PTPRD: variants seen among roughly 807,000 people sequenced by gnomAD.
The protein encoded by PTPRD is receptor-type tyrosine-protein phosphatase delta.
In PTPRD, 34 loss-of-function variants were observed where a neutral mutation model predicts 214.5. That is an observed-to-expected ratio of 0.16 (90% confidence interval 0.12 to 0.21). The LOEUF (loss-of-function observed/expected upper bound fraction) is 0.21. Among genes scored for constraint, PTPRD ranks in the 10% least tolerant of loss-of-function variants. PTPRD has a pLI of 1.00. For missense variants in PTPRD, 2,545 were observed against 2,398.7 expected, an observed-to-expected ratio of 1.06 and a Z score of -1.27; for synonymous variants, 1,128 against 845.7, an observed-to-expected ratio of 1.33 and a Z score of -5.79.
intron 2 of PTPRD, among the ~76,000 whole-genome samples, chr9:10,469,249 C>A (rs1180861668): frequency 6.6e-6 from 1 of 152,136 alleles, no homozygotes; most frequent in African/African-American, 2.4e-5. Context: ...ATATTCAGCA[C>A]TTTTTCATTC....
At chr9:10,530,798 T>C (rs2056020189) in intron 2 of PTPRD, among the ~76,000 whole-genome samples, 1 of 151,990 alleles carries the variant, frequency 6.6e-6, no homozygotes, top group South Asian at 2.1e-4. Context: ...AAAACAGATA[T>C]CAAATAAATA....
chr9:9,133,353 A>G (rs1288114226), intron 10 of PTPRD, among the ~76,000 whole-genome samples: 1 of 152,214 alleles, frequency 6.6e-6, no homozygotes, highest in African/African-American at 2.4e-5. Context: ...CCCCGGGGAC[A>G]TTTATTTTGC....
At chr9:8,719,235 C>T (rs75319207) in intron 12 of PTPRD, among the ~76,000 whole-genome samples, 2,605 of 152,230 alleles carry the variant, frequency 0.017, 73 homozygotes, top group African/African-American at 0.059. Context: ...TGAAATGGCA[C>T]TAACAGCTGA....
At chr9:8,524,062 A>G (rs928555693) in intron 18 of PTPRD, among the ~76,000 whole-genome samples, 1 of 151,978 alleles carries the variant, frequency 6.6e-6, no homozygotes, top group African/African-American at 2.4e-5. Flanking sequence ...GACCAGGAAT[A>G]AGAACACTTC....
At chr9:8,346,472 A>G (rs1164631722) in intron 39 of PTPRD, among the ~76,000 whole-genome samples, 1 of 152,114 alleles carries the variant, frequency 6.6e-6, no homozygotes, top group Admixed American at 6.6e-5. Flanking sequence ...ATTAAATGGA[A>G]AATTCCAGAA....
chr9:8,725,103 C>G (rs2098543336), intron 12 of PTPRD, among the ~76,000 whole-genome samples: 1 of 152,044 alleles, frequency 6.6e-6, no homozygotes, highest in Non-Finnish European at 1.5e-5. Flanking sequence ...TGAATGAAAG[C>G]TACATGGAAA....
At position 8,398,842 on chromosome 9, in the gene PTPRD, A is replaced by G. The variant is rs997321798; in HGVS notation, c.4210+5695T>C. Among the ~76,000 whole-genome samples, 14 of 152,158 alleles carry G rather than the reference A, an allele frequency of 9.2e-5. 1 individual carries two copies. Among genetic ancestry groups the G allele is most frequent in the Non-Finnish European group, 1.0e-4 (7 of 68,028 alleles). On this transcript the variant is annotated intron_variant, in intron 36 of 45. Transcript: ENST00000381196. ...CAGACTCTAGAACTACGAGGAATAA[A>G]TTTGTATGGTTTATAAATTACCCAG...
In PTPRD at chr9:9,821,919, ATATATT is replaced by A. The variant is rs1271308717; in HGVS notation, c.-367-55074_-367-55069del. On this transcript the variant is annotated intron_variant, in intron 5 of 45. Coordinates refer to ENST00000381196, the MANE Select transcript of PTPRD (RefSeq NM_002839.4). ...GAATACTTTCCTTGATTTATGACATATATATTTATAATATTTATATATATTTATATA... is the reference window on the plus strand; with the variant it reads ...GAATACTTTCCTTGATTTATGACATATATAATATTTATATATATTTATATA... Among the ~76,000 whole-genome samples, 5 of 149,134 alleles carry A rather than the reference ATATATT, an allele frequency of 3.4e-5. No homozygotes were observed. The East Asian group carries it at 7.8e-4, about 23-fold the overall frequency.
intron 3 of PTPRD, among the ~76,000 whole-genome samples, chr9:10,138,466 T>G (rs1421552803): frequency 6.6e-6 from 1 of 151,972 alleles, no homozygotes; most frequent in Non-Finnish European, 1.5e-5. Flanking sequence ...ACCAGATGGA[T>G]TCACAGCCAA....
intron 10 of PTPRD, among the ~76,000 whole-genome samples, chr9:9,051,488 T>C (rs749254752): frequency 3.9e-5 from 6 of 152,216 alleles, no homozygotes; most frequent in Non-Finnish European, 7.4e-5. Context: ...TGGTGTCATT[T>C]AGTGTTACAT....
chr9:9,315,521 A>T (rs1306848378), intron 9 of PTPRD, among the ~76,000 whole-genome samples: 4 of 151,992 alleles, frequency 2.6e-5, no homozygotes, highest in African/African-American at 9.7e-5. Context: ...TTAATTCCAA[A>T]TATAGTTTTG....
chr9:8,752,739 G>A (rs938682500), intron 11 of PTPRD, among the ~76,000 whole-genome samples: 2 of 152,030 alleles, frequency 1.3e-5, no homozygotes, highest in Non-Finnish European at 2.9e-5. Flanking sequence ...TCATTCCCCA[G>A]AAGACCTGAC....
intron 14 of PTPRD, among the ~76,000 whole-genome samples, chr9:8,615,862 T>C (rs985000149): frequency 2.6e-5 from 4 of 152,120 alleles, no homozygotes; most frequent in African/African-American, 9.6e-5. Flanking sequence ...ATTTTCAACA[T>C]GAAATCAATA....
chr9:8,602,445 C>G (rs1338918132), intron 14 of PTPRD, among the ~76,000 whole-genome samples: 3 of 152,070 alleles, frequency 2.0e-5, no homozygotes, highest in African/African-American at 7.2e-5. Flanking sequence ...TTACTATGAG[C>G]CTTATCAGGA....
At chr9:8,991,722 G>C (rs755562958) in intron 11 of PTPRD, among the ~76,000 whole-genome samples, 3 of 152,088 alleles carry the variant, frequency 2.0e-5, no homozygotes, top group Admixed American at 1.3e-4. Flanking sequence ...TAATTAGAAG[G>C]TAAGTTTGCC....
rs1341687548 is a variant in PTPRD, at chr9:10,612,901, C to T, written c.-921G>A. 1.3e-5 allele frequency among the ~76,000 whole-genome samples: 2 copies of T among 151,744 alleles called. No homozygotes were observed. Among genetic ancestry groups the T allele is most frequent in the African/African-American group, 4.8e-5 (2 of 41,386 alleles). On this transcript the variant is annotated 5_prime_UTR_variant, in exon 1 of 46. Coordinates refer to ENST00000381196, the MANE Select transcript of PTPRD (RefSeq NM_002839.4). ...GGGCGAGGCGCTGCCCCCACGCGCTCCGGCCGCCGGCTGCGGGCGCGGCTG... is the reference window on the plus strand; with the variant it reads ...GGGCGAGGCGCTGCCCCCACGCGCTTCGGCCGCCGGCTGCGGGCGCGGCTG...
chr9:9,674,046 G>T (rs988465922), intron 7 of PTPRD, among the ~76,000 whole-genome samples: 2 of 151,688 alleles, frequency 1.3e-5, no homozygotes, highest in African/African-American at 4.8e-5. Flanking sequence ...GAGGAAGAGA[G>T]AAAATAATAC....
chr9:9,120,265 T>A (rs535888594), intron 10 of PTPRD, among the ~76,000 whole-genome samples: 1 of 152,342 alleles, frequency 6.6e-6, no homozygotes, highest in South Asian at 2.1e-4. Flanking sequence ...TGCTTATTAA[T>A]AACATCTTGC....
In PTPRD at chr9:8,521,568, A is replaced by C. The variant is rs763176253; in HGVS notation, c.692-22T>G. On this transcript the variant is annotated intron_variant, in intron 19 of 45. Coordinates refer to ENST00000381196, the MANE Select transcript of PTPRD (RefSeq NM_002839.4). ...CGAACTGGAACAAAACACAAGGGAA[A>C]TGATAACATATACAAGGCAAGAAAA... 1.9e-6 allele frequency: 3 copies of C among 1,608,452 alleles called. No homozygotes were observed. In the East Asian group the frequency reaches 6.7e-5, roughly 36 times the overall value.
Sources: gnomAD v4.1 joint callset for allele counts (sites outside exome capture counted in the v4.1 genomes callset) on GRCh38, gnomAD v4.1.1 for gene constraint, MANE v1.5 for transcripts, NCBI Gene and HGNC (gene_info 2026-07-23, HGNC 2026-07-21) for gene names.